The following MX2 variants were observed in gnomAD, a reference collection of about 807,000 sequenced individuals.
MX2 encodes the protein interferon-induced GTP-binding protein Mx2.
Under a neutral mutation model 74.0 loss-of-function variants are expected in MX2, and 51 were observed. The observed-to-expected ratio is 0.69, with a 90% CI of 0.55 to 0.87. The LOEUF (loss-of-function observed/expected upper bound fraction) is 0.87. MX2 is among the 40% of genes least tolerant of loss of function. The pLI, the probability that MX2 is intolerant of heterozygous loss-of-function variation, is 0.00. For missense variants in MX2, 832 were observed against 908.7 expected, an observed-to-expected ratio of 0.92 and a Z score of 1.09; for synonymous variants, 369 against 339.3, an observed-to-expected ratio of 1.09 and a Z score of -0.96.
intron 3 of MX2, among the ~76,000 whole-genome samples, chr21:41,379,465 C>T (rs73370119): frequency 0.044 from 6,760 of 152,246 alleles, 185 homozygotes; most frequent in Middle Eastern, 0.13. Flanking sequence ...GCTCCTCCTT[C>T]GGGATGTCCG....
intron 1 of MX2, chr21:41,370,315 T>G (rs1357382083): frequency 1.3e-5 from 2 of 152,280 alleles, no homozygotes; most frequent in Non-Finnish European, 2.9e-5. Context: ...GGAGAGGAGC[T>G]GAATCCTGAG....
At chr21:41,374,229 T>TCCCC (rs2089367948) in intron 1 of MX2, 1 of 152,330 alleles carries the variant, frequency 6.6e-6, no homozygotes, top group Non-Finnish European at 1.5e-5. Flanking sequence ...GCACATGCTC[T>TCCCC]GGGTCCCCGG....
At position 41,372,193 on chromosome 21, in the gene MX2, G is replaced by A. The variant is rs141522634; in HGVS notation, c.-71-4643G>A. 1.1e-3 allele frequency among the ~76,000 whole-genome samples: 160 copies of A among 152,312 alleles called. 2 individuals carry two copies. The South Asian group carries it at 0.03, about 28-fold the overall frequency. ...CAGTCTTGCCTGGGTTATATTGGTT[G>A]CAGATGAGATAGGACTCTACCACTT... is the stretch of plus-strand genomic sequence containing the variant. On this transcript the variant is annotated intron_variant, in intron 1 of 13. Coordinates refer to ENST00000330714, the MANE Select transcript of MX2 (RefSeq NM_002463.2).
At chr21:41,391,109 T>C (rs1348824338) in intron 6 of MX2, among the ~76,000 whole-genome samples, 2 of 152,082 alleles carry the variant, frequency 1.3e-5, no homozygotes, top group Non-Finnish European at 2.9e-5. Context: ...CATATGCCAG[T>C]GTGTCCTGCG....
chr21:41,399,866 C>A, intron 10 of MX2: 1 of 153,714 alleles, frequency 6.5e-6, no homozygotes, highest in Non-Finnish European at 1.4e-5. Flanking sequence ...CTGTGCCTGG[C>A]CTTGCTTCTT....
At position 41,376,990 on chromosome 21, in the gene MX2, C is replaced by T. The variant is rs781267715; in HGVS notation, c.84C>T (p.Ser28=). The T allele has an allele frequency of 1.2e-6, 2 of 1,614,164 alleles. No individual in the cohort carries two copies. The highest frequency in any genetic ancestry group is 1.7e-6 in the Non-Finnish European group (2 of 1,180,044). Residue 28 remains serine (S), a synonymous_variant, in exon 2 of 14, where the codon TCC becomes TCT. Coordinates refer to ENST00000330714, the MANE Select transcript of MX2 (RefSeq NM_002463.2). ...AATACCTGAAAAAAGAAATGAATTC[C>T]TTCCAGCAACAGCCACCGCCATTCG... ...SRKYLKKEMN[S]FQQQPPPFGT... is the part of the protein sequence containing the mutation.
chr21:41,403,268 A>T lies in MX2; in HGVS notation c.1575A>T (p.Glu525Asp), dbSNP rs1313538790. ...CTCCTTTTTGCTTTTTTTGGTCAGA[A>T]ATTATCCAGCAAGCTTTCATTAACG... ...PALSMLQKAM[E>D]IIQQAFINVA... Residue 525 changes from glutamate (E) to aspartate (D), a missense_variant and splice_region_variant, in exon 12 of 14, where the codon GAA becomes GAT. Glu to Asp is a conservative substitution (Grantham distance 45). Transcript: ENST00000330714. 6.2e-7 allele frequency: 1 copy of T among 1,611,478 alleles called. No individual in the cohort carries two copies. The highest frequency in any genetic ancestry group is 1.7e-5 in the Admixed American group (1 of 59,728).
At chr21:41,377,422 C>T (rs2089421027) in intron 2 of MX2, among the ~76,000 whole-genome samples, 1 of 152,160 alleles carries the variant, frequency 6.6e-6, no homozygotes, top group Non-Finnish European at 1.5e-5. Context: ...CTGCAGCCAT[C>T]ACATTGCCAG....
intron 12 of MX2, among the ~76,000 whole-genome samples, chr21:41,406,047 A>G (rs2089881706): frequency 6.7e-6 from 1 of 149,178 alleles, no homozygotes; most frequent in South Asian, 2.1e-4. Flanking sequence ...ACTGGAGTGC[A>G]ATGGCATGAT....
chr21:41,383,879 G>T (rs902767375), intron 5 of MX2, among the ~76,000 whole-genome samples: 6 of 152,090 alleles, frequency 3.9e-5, no homozygotes, highest in Non-Finnish European at 7.4e-5. Context: ...ATCAAGTTAT[G>T]GGATTTCCTA....
chr21:41,392,191 G>A (rs2089670106), intron 6 of MX2, among the ~76,000 whole-genome samples: 1 of 152,218 alleles, frequency 6.6e-6, no homozygotes, highest in African/African-American at 2.4e-5. Flanking sequence ...AGAGAAAAGT[G>A]TGCTAGGCTT....
rs2089616632 is a variant in MX2 at position 41,388,825 on chromosome 21, A to G, written c.733-1740A>G. The stretch of plus-strand genomic sequence containing the variant: ...CAGAGCTTTTGTACCCCCAGGGGAC[A>G]CTGGCAATGTCAGGACATCTTTTTG... On this transcript the variant is annotated intron_variant, in intron 5 of 13. Transcript: ENST00000330714. This position sits in a 1 kb window ranked among gnomAD's most constrained non-coding sequence, Gnocchi z 4.0. Among the ~76,000 whole-genome samples the G allele has an allele frequency of 6.6e-6, 1 of 152,212 alleles. No individual in the cohort carries two copies.
chr21:41,387,404 G>A (rs1041866936), intron 5 of MX2, among the ~76,000 whole-genome samples: 18 of 152,280 alleles, frequency 1.2e-4, no homozygotes, highest in East Asian at 5.8e-4. Context: ...CTCATTGTAC[G>A]ACTCCACTTT....
chr21:41,388,735 C>T lies in MX2; in HGVS notation c.733-1830C>T, dbSNP rs909695353. 6.6e-6 allele frequency among the ~76,000 whole-genome samples: 1 copy of T among 152,198 alleles called. No individual in the cohort carries two copies. Among genetic ancestry groups the T allele is most frequent in the Admixed American group, 6.5e-5 (1 of 15,284 alleles). On this transcript the variant is annotated intron_variant, in intron 5 of 13. Coordinates refer to ENST00000330714, the MANE Select transcript of MX2 (RefSeq NM_002463.2). The surrounding 1 kb of genome is among the most constrained non-coding windows in gnomAD (Gnocchi z 4.0). ...GGCAAACTGTTCCGGGGAGCATTTT[C>T]ACTCTCTGATATCCTACATGAATGC...
At position 41,388,902 on chromosome 21, in the gene MX2, C is replaced by T. The variant is rs1156805608; in HGVS notation, c.733-1663C>T. Among the ~76,000 whole-genome samples the T allele has an allele frequency of 2.6e-5, 4 of 152,090 alleles. No homozygotes were observed. The highest frequency in any genetic ancestry group is 2.1e-4 in the South Asian group (1 of 4,824). ...GGTTTGCTAGTGGTTTGGATGCTAC[C>T]GGTATCCAGTGGGTAAAGGCCACAG... is the stretch of plus-strand genomic sequence containing the variant. On this transcript the variant is annotated intron_variant, in intron 5 of 13. Transcript: ENST00000330714. The surrounding 1 kb of genome is among the most constrained non-coding windows in gnomAD (Gnocchi z 4.0).
In MX2 at chr21:41,368,489, C is replaced by T. The variant is rs1410121028; in HGVS notation, c.-72+6434C>T. ...GGAATTCTCATCCCCTACATGTCAC[C>T]CCACGGCTCACTCCTGCCTCCGACC... On this transcript the variant is annotated intron_variant, in intron 1 of 13. Transcript: ENST00000330714. This position sits in a 1 kb window ranked among gnomAD's most constrained non-coding sequence, Gnocchi z 4.6. Among the ~76,000 whole-genome samples the T allele has an allele frequency of 4.6e-5, 7 of 152,042 alleles. No homozygotes were observed. Among genetic ancestry groups the T allele is most frequent in the Non-Finnish European group, 1.0e-4 (7 of 68,002 alleles).
intron 5 of MX2, among the ~76,000 whole-genome samples, chr21:41,385,667 T>C (rs2145909808): frequency 6.6e-6 from 1 of 152,282 alleles, no homozygotes; most frequent in East Asian, 1.9e-4. Context: ...GAGGCCACTA[T>C]AGAGCTATTA....
At position 41,403,348 on chromosome 21, in the gene MX2, G is replaced by C; in HGVS notation, c.1650+5G>C. The stretch of plus-strand genomic sequence containing the variant: ...AACCTTAACCAAACTGTTCAGGTAA[G>C]CACCCAGAGTTCACTTGCTAGTCAC... On this transcript the variant is annotated splice_donor_5th_base_variant and intron_variant, in intron 12 of 13. Coordinates refer to ENST00000330714, the MANE Select transcript of MX2 (RefSeq NM_002463.2). The C allele has an allele frequency of 6.2e-7, 1 of 1,610,376 alleles. No individual in the cohort carries two copies. The highest frequency in any genetic ancestry group is 8.5e-7 in the Non-Finnish European group (1 of 1,176,748).
At chr21:41,375,356 C>G (rs2089386791) in intron 1 of MX2, among the ~76,000 whole-genome samples, 1 of 152,258 alleles carries the variant, frequency 6.6e-6, no homozygotes, top group East Asian at 1.9e-4. Context: ...TTGTATGAGT[C>G]TGCTCAGGCT....
Sources: gnomAD v4.1 joint callset for allele counts (sites outside exome capture counted in the v4.1 genomes callset) on GRCh38, gnomAD v4.1.1 for gene constraint, Gnocchi (gnomAD v3.1) non-coding constraint, MANE v1.5 for transcripts, NCBI Gene and HGNC (gene_info 2026-07-23, HGNC 2026-07-21) for gene names.